SPTBN5: variants seen among roughly 807,000 people sequenced by gnomAD.
SPTBN5 encodes spectrin beta chain, non-erythrocytic 5.
Under a neutral mutation model 477.6 loss-of-function variants are expected in SPTBN5, and 513 were observed. That is an observed-to-expected ratio of 1.07 (90% CI 1.00 to 1.16). The LOEUF (loss-of-function observed/expected upper bound fraction) is 1.16. SPTBN5 is among the 50% of genes most tolerant of loss of function. The pLI, the probability that SPTBN5 is intolerant of heterozygous loss-of-function variation, is 0.00. For missense variants in SPTBN5, 5,062 were observed against 4,731.8 expected (o/e 1.07, Z -2.05); for synonymous variants, 2,169 against 2,011.7 (o/e 1.08, Z -2.09).
intron 45 of SPTBN5, 94 bp from the exon 46 acceptor site, chr15:41,861,590 G>C (rs1330160630): frequency 2.0e-6 from 3 of 1,531,550 alleles, no homozygotes; most frequent in South Asian, 1.1e-5. Flanking sequence ...AGGGAACCAG[G>C]GTCCTGGAAG....
intron 67 of SPTBN5, among the ~76,000 whole-genome samples, chr15:41,849,473 A>G (rs952915870): frequency 2.0e-5 from 3 of 152,076 alleles, no homozygotes; most frequent in African/African-American, 7.2e-5. Flanking sequence ...TGTGCCTTGG[A>G]GAGGGGAGAG....
Position 41,862,552 on chromosome 15 carries a change from T to C in SPTBN5, c.7372A>G (p.Arg2458Gly), listed in dbSNP as rs769415211. ...GCGGGTTCATACCGCTTCTGGGCCC[T>C]GCTCCGGAGCTGCCACCAGCTCTCA... The part of the protein sequence containing the change: ...VAESWWQLRS[R>G]AQKRREALDA... Residue 2458 changes from arginine to glycine, a missense_variant, in exon 43 of 68, where the codon AGG becomes GGG. By Grantham distance (125) the Arg-to-Gly change is moderately radical (BLOSUM62 -2). Coordinates refer to ENST00000320955, the MANE Select transcript of SPTBN5 (RefSeq NM_016642.4). 2.5e-6 allele frequency: 4 copies of C among 1,568,916 alleles called. No individual in the cohort carries two copies. Among genetic ancestry groups the C allele is most frequent in the Non-Finnish European group, 3.5e-6 (4 of 1,157,418 alleles).
chr15:41,874,010 C>T lies in SPTBN5; in HGVS notation c.4725G>A (p.Gln1575=), dbSNP rs2066631482. The change falls in exon 25 of 68, where the codon CAG becomes CAA. Residue 1575 remains glutamine, a synonymous_variant. Coordinates refer to ENST00000320955, the MANE Select transcript of SPTBN5 (RefSeq NM_016642.4). ...LQVEVKAHQG[Q]VQRVLSSGRS... is the part of the protein sequence containing the mutation. ...GCCCAGAACTCAGCACCCGTTGCACCTGCCCCTGGTGAGCTTTTACCTCCA... is the reference window on the plus strand; with the variant it reads ...GCCCAGAACTCAGCACCCGTTGCACTTGCCCCTGGTGAGCTTTTACCTCCA... 1.2e-6 allele frequency: 2 copies of T among 1,601,932 alleles called. No individual in the cohort carries two copies. The highest frequency in any genetic ancestry group is 1.1e-5 in the South Asian group (1 of 90,942).
intron 17 of SPTBN5, among the ~76,000 whole-genome samples, chr15:41,877,974 T>A (rs1286818194): frequency 6.6e-6 from 1 of 152,180 alleles, no homozygotes; most frequent in Non-Finnish European, 1.5e-5. Context: ...GGGTGGGTCC[T>A]GAGCCATTCC....
At chr15:41,865,746 C>A in intron 39 of SPTBN5, 62 bp downstream of exon 39, 3 of 1,425,024 alleles carry the variant, frequency 2.1e-6, no homozygotes, top group Admixed American at 2.0e-5. Context: ...TCTTTCCCTG[C>A]TCTCAGTTGG....
Position 41,868,649 on chromosome 15 carries a change from C to T in SPTBN5, c.5854-48G>A, listed in dbSNP as rs754336865. The T allele has an allele frequency of 1.7e-5, 27 of 1,571,946 alleles. No homozygotes were observed. The Admixed American group carries it at 4.5e-4, about 26-fold the overall frequency. ...AGAGCCGGGTGAGGGCTGGGCTGGG[C>T]AGCAGGAAACCAGGTGCTGAGGCAA... On this transcript the variant is annotated intron_variant, in intron 32 of 67. Transcript: ENST00000320955.
At chr15:41,866,277 C>A in intron 37 of SPTBN5, 48 bp from the exon 38 acceptor site, 1 of 1,575,756 alleles carries the variant, frequency 6.3e-7, no homozygotes, top group South Asian at 1.2e-5. Flanking sequence ...TGCACTTCCT[C>A]CTAAGACTGA....
At chr15:41,871,275 G>T in intron 29 of SPTBN5, 100 bp downstream of exon 29, 1 of 1,268,254 alleles carries the variant, frequency 7.9e-7, no homozygotes, top group Non-Finnish European at 1.0e-6. Context: ...CAGGGCCAGT[G>T]TGGCCCTCAC....
rs1007365802 is a variant in SPTBN5 at position 41,879,733 on chromosome 15, C to T, written c.2942+1G>A. 6.2e-7 allele frequency: 1 copy of T among 1,613,622 alleles called. No individual in the cohort carries two copies. Among genetic ancestry groups the T allele is most frequent in the East Asian group, 2.2e-5 (1 of 44,880 alleles). On this transcript the variant is annotated splice_donor_variant, in intron 15 of 67. Coordinates refer to ENST00000320955, the MANE Select transcript of SPTBN5 (RefSeq NM_016642.4). LOFTEE classifies it high-confidence loss of function. ...CACCTGCACTCCTGCCTCATTCTCA[C>T]CTCTGGCTCAGTTCCTCCTGCTGTC...
chr15:41,872,485 G>T (rs1306382735), intron 26 of SPTBN5, 26 bp from the exon 27 acceptor site: 1 of 1,540,652 alleles, frequency 6.5e-7, no homozygotes. Context: ...ACCCATGCCA[G>T]GCTCAGCCTG....
rs371979121 is a variant in SPTBN5 at position 41,863,744 on chromosome 15, G to A, written c.7109C>T (p.Ser2370Phe). 12 of 1,613,552 alleles carry A rather than the reference G, an allele frequency of 7.4e-6. No homozygotes were observed. Among genetic ancestry groups the A allele is most frequent in the Non-Finnish European group, 1.0e-5 (12 of 1,179,882 alleles). Residue 2370 changes from serine to phenylalanine, a missense_variant, in exon 41 of 68, where the codon TCC (serine) becomes TTC (phenylalanine). Ser to Phe is a radical substitution (Grantham distance 155). Transcript: ENST00000320955. Reference protein sequence around the residue: ...LEGALEIHVLSRELDNVTKRI... With the variant: ...LEGALEIHVLFRELDNVTKRI... ...CTTGGTGACATTGTCCAGCTCTCGGGACAACACGTGTATCTCCAAGGCCCC... is the reference window on the plus strand; with the variant it reads ...CTTGGTGACATTGTCCAGCTCTCGGAACAACACGTGTATCTCCAAGGCCCC...
intron 56 of SPTBN5, among the ~76,000 whole-genome samples, chr15:41,854,575 C>A (rs2065877223): frequency 6.6e-6 from 1 of 151,798 alleles, no homozygotes; most frequent in Non-Finnish European, 1.5e-5. Context: ...CAGGAGGCAG[C>A]CCCAGCCCAG....
At chr15:41,854,679 G>A in intron 56 of SPTBN5, 103 bp downstream of exon 56, 1 of 1,003,052 alleles carries the variant, frequency 1.0e-6, no homozygotes, top group Admixed American at 3.0e-5. Flanking sequence ...AGGCCAGCAG[G>A]GTGTGTGTCT....
chr15:41,861,655 G>A, intron 45 of SPTBN5, 80 bp downstream of exon 45: 1 of 1,505,748 alleles, frequency 6.6e-7, no homozygotes, highest in Middle Eastern at 1.9e-4. Flanking sequence ...TCCAGTCTTA[G>A]CCTTGACCAG....
chr15:41,879,236 A>G (rs2066859620), intron 16 of SPTBN5, 24 bp downstream of exon 16: 1 of 1,590,586 alleles, frequency 6.3e-7, no homozygotes, highest in Non-Finnish European at 8.6e-7. Context: ...CTGCCTCCCA[A>G]TGCCACCACT....
intron 22 of SPTBN5, 94 bp from the exon 23 acceptor site, chr15:41,875,150 G>T: frequency 8.3e-7 from 1 of 1,211,102 alleles, no homozygotes; most frequent in Non-Finnish European, 1.1e-6. Context: ...TTTAGGACCA[G>T]ATTCACCAGG....
intron 6 of SPTBN5, 137 bp downstream of exon 6, chr15:41,887,076 C>T (rs1345767173): frequency 1.3e-6 from 1 of 754,852 alleles, no homozygotes; most frequent in Non-Finnish European, 2.3e-6. Flanking sequence ...TCATCATCTC[C>T]ATGTGATAGA....
chr15:41,874,202 T>C, intron 24 of SPTBN5, 90 bp downstream of exon 24: 1 of 1,524,848 alleles, frequency 6.6e-7, no homozygotes, highest in Non-Finnish European at 8.9e-7. Flanking sequence ...GGTGAGGGCT[T>C]AGAGGCCAGG....
At position 41,882,012 on chromosome 15, in the gene SPTBN5, A is replaced by G; in HGVS notation, c.2381T>C (p.Leu794Pro). The change falls in exon 12 of 68, where the codon CTG becomes CCG. Residue 794 changes from leucine (L) to proline (P), a missense_variant. Transcript: ENST00000320955. ...LRRHVRLERV[L>P]RAFAAELRRL... ...CCGCAGCTCGGCCGCGAAGGCGCGC[A>G]GGACGCGCTCCAGCCGCACGTGGCG... 6.5e-7 allele frequency: 1 copy of G among 1,538,000 alleles called. No individual in the cohort carries two copies.
Sources: gnomAD v4.1 joint callset for allele counts (sites outside exome capture counted in the v4.1 genomes callset) on GRCh38, gnomAD v4.1.1 for gene constraint, MANE v1.5 for transcripts, NCBI Gene and HGNC (gene_info 2026-07-23, HGNC 2026-07-21) for gene names.